The following VAV3 variants were observed in gnomAD, a reference collection of about 807,000 sequenced individuals.
VAV3 encodes the protein guanine nucleotide exchange factor VAV3.
In VAV3, 94 loss-of-function variants were observed where a neutral mutation model predicts 131.2. The ratio of observed to expected loss-of-function variants is 0.72; its 90% CI spans 0.61 to 0.85. VAV3 has a LOEUF of 0.85. Ranked by LOEUF, VAV3 falls within the 40% of genes least tolerant of loss-of-function variation. The pLI is 0.00. For synonymous variants in VAV3, 349 were observed against 342.0 expected (o/e 1.02, Z -0.22); for missense variants, 939 against 1,002.7 (o/e 0.94, Z 0.86).
At chr1:107,761,142 C>T (rs367779362) in intron 9 of VAV3, among the ~76,000 whole-genome samples, 64 of 152,134 alleles carry the variant, frequency 4.2e-4, no homozygotes, top group Admixed American at 1.3e-4. Context: ...GTAATCCCAG[C>T]ACTTTGGGAG....
intron 4 of VAV3, 114 bp from the exon 5 acceptor site, chr1:107,772,957 G>T: frequency 1.2e-6 from 1 of 860,140 alleles, no homozygotes; most frequent in Non-Finnish European, 1.8e-6. Flanking sequence ...AATGGAATTA[G>T]TGGAAAGAGT....
intron 1 of VAV3, among the ~76,000 whole-genome samples, chr1:107,891,725 G>A (rs189918271): frequency 1.3e-5 from 2 of 151,542 alleles, no homozygotes; most frequent in Non-Finnish European, 2.9e-5. Context: ...TGTAATCCCA[G>A]CTACTTGGGA....
In VAV3 at chr1:107,695,581, C is replaced by T. The variant is rs375822466; in HGVS notation, c.1706-7175G>A. Among the ~76,000 whole-genome samples, 70 of 152,158 alleles carry T rather than the reference C, an allele frequency of 4.6e-4. No homozygotes were observed. The East Asian group carries it at 7.5e-3, about 16-fold the overall frequency. On this transcript the variant is annotated intron_variant, in intron 17 of 26. Coordinates refer to ENST00000370056, the MANE Select transcript of VAV3 (RefSeq NM_006113.5). ...AATGAGGTTGATTTTAGTCATGAGA[C>T]ATTTGAGGTCAATGCAAGACGCATG...
chr1:107,822,720 A>T (rs1161469375), intron 2 of VAV3, among the ~76,000 whole-genome samples: 2 of 152,004 alleles, frequency 1.3e-5, no homozygotes, highest in East Asian at 3.9e-4. Context: ...ATCTCTTCGA[A>T]AAAATGGGGG....
rs544455985 is a variant in VAV3, at chr1:107,610,512, C to T, written c.1981-547G>A. 1.1e-4 allele frequency among the ~76,000 whole-genome samples: 16 copies of T among 152,104 alleles called. No individual in the cohort carries two copies. The South Asian group carries it at 3.3e-3, about 32-fold the overall frequency. On this transcript the variant is annotated intron_variant, in intron 21 of 26. Coordinates refer to ENST00000370056, the MANE Select transcript of VAV3 (RefSeq NM_006113.5). The stretch of plus-strand genomic sequence containing the variant: ...ACATTGGGAAAACATGCAAAATAAA[C>T]AATATACACTGGATATAGACTCTTA...
chr1:107,886,389 T>C (rs1671038120), intron 1 of VAV3, among the ~76,000 whole-genome samples: 1 of 152,334 alleles, frequency 6.6e-6, no homozygotes, highest in African/African-American at 2.4e-5. Context: ...TTCCCCTCCA[T>C]GCTACGCAGC....
chr1:107,805,183 G>A (rs1667008633), intron 2 of VAV3, among the ~76,000 whole-genome samples: 2 of 152,058 alleles, frequency 1.3e-5, no homozygotes. Context: ...TGACCTTTCT[G>A]TGCCTAAATT....
At chr1:107,844,502 C>T (rs905572857) in intron 2 of VAV3, among the ~76,000 whole-genome samples, 3 of 152,174 alleles carry the variant, frequency 2.0e-5, no homozygotes, top group African/African-American at 7.2e-5. Context: ...GGGGCTGAAG[C>T]CAGGAAGCCG....
chr1:107,779,848 G>C (rs1288810920), intron 2 of VAV3, among the ~76,000 whole-genome samples: 2 of 152,008 alleles, frequency 1.3e-5, no homozygotes, highest in Non-Finnish European at 2.9e-5. Flanking sequence ...CTCCAGTATA[G>C]TACCCACTAG....
intron 2 of VAV3, among the ~76,000 whole-genome samples, chr1:107,868,189 A>G (rs1259430381): frequency 6.6e-6 from 1 of 152,174 alleles, no homozygotes; most frequent in Non-Finnish European, 1.5e-5. Flanking sequence ...AAGCCCAAAG[A>G]TTTCTGGATA....
At chr1:107,697,147 C>T (rs1030860988) in intron 17 of VAV3, among the ~76,000 whole-genome samples, 3 of 152,254 alleles carry the variant, frequency 2.0e-5, no homozygotes, top group East Asian at 3.9e-4. Flanking sequence ...GGAGAAGATG[C>T]CATGGCTTCC....
At position 107,591,431 on chromosome 1, in the gene VAV3, G is replaced by A. The variant is rs149687299; in HGVS notation, c.2350+4781C>T. 5.0e-3 allele frequency among the ~76,000 whole-genome samples: 757 copies of A among 150,416 alleles called. 5 individuals carry two copies. The highest frequency in any genetic ancestry group is 0.018 in the African/African-American group (703 of 39,852). ...TAAAGGGATGAATGAATGAATGAAT[G>A]AATAAATGAATGAATGAATGAATGA... is the stretch of plus-strand genomic sequence containing the variant. On this transcript the variant is annotated intron_variant, in intron 25 of 26. Transcript: ENST00000370056.
intron 1 of VAV3, among the ~76,000 whole-genome samples, chr1:107,911,190 G>T (rs996996651): frequency 6.6e-6 from 1 of 152,096 alleles, no homozygotes; most frequent in Admixed American, 6.6e-5. Flanking sequence ...GTATTTCCAA[G>T]CTTCTAAAAG....
chr1:107,647,505 CA>C (rs1275220524), intron 19 of VAV3, among the ~76,000 whole-genome samples: 3 of 151,920 alleles, frequency 2.0e-5, no homozygotes, highest in Non-Finnish European at 1.5e-5. Flanking sequence ...AATAGACAGA[CA>C]GGTGAACTCT....
chr1:107,588,033 T>G (rs1650640767), intron 25 of VAV3, among the ~76,000 whole-genome samples: 1 of 152,186 alleles, frequency 6.6e-6, no homozygotes, highest in Non-Finnish European at 1.5e-5. Flanking sequence ...CTGAATGAGG[T>G]TATCTGAATC....
chr1:107,813,871 G>A (rs1012401086), intron 2 of VAV3, among the ~76,000 whole-genome samples: 1 of 151,930 alleles, frequency 6.6e-6, no homozygotes, highest in African/African-American at 2.4e-5. Context: ...GTCTTTCTGT[G>A]CCTGAGTTAT....
chr1:107,672,473 G>A (rs145131906), intron 19 of VAV3, among the ~76,000 whole-genome samples: 2 of 151,780 alleles, frequency 1.3e-5, no homozygotes, highest in African/African-American at 4.8e-5. Flanking sequence ...ATTATAAGTA[G>A]GTGTTTAATA....
chr1:107,847,709 G>C (rs1479678778), intron 2 of VAV3, among the ~76,000 whole-genome samples: 3 of 152,010 alleles, frequency 2.0e-5, no homozygotes, highest in Non-Finnish European at 4.4e-5. Context: ...ACCCTCCCAA[G>C]ACTAAACCAG....
chr1:107,679,667 T>G (rs1658464352), intron 19 of VAV3, among the ~76,000 whole-genome samples: 1 of 152,208 alleles, frequency 6.6e-6, no homozygotes, highest in Non-Finnish European at 1.5e-5. Context: ...AAGGAAATTT[T>G]TAAAGCTCAG....
Sources: gnomAD v4.1 joint callset for allele counts (sites outside exome capture counted in the v4.1 genomes callset) on GRCh38, gnomAD v4.1.1 for gene constraint, MANE v1.5 for transcripts, NCBI Gene and HGNC (gene_info 2026-07-23, HGNC 2026-07-21) for gene names.